The following PRDM7 variants were observed in gnomAD, a reference collection of about 807,000 sequenced individuals.
PRDM7 encodes the protein histone-lysine N-methyltransferase PRDM7.
Under a neutral mutation model 64.3 loss-of-function variants are expected in PRDM7, and 52 were observed. The ratio of observed to expected loss-of-function variants is 0.81; its 90% CI spans 0.65 to 1.02. The LOEUF is 1.02. Among genes scored for constraint, PRDM7 ranks in the 50% least tolerant of loss-of-function variants. The pLI, the probability that PRDM7 is intolerant of heterozygous loss-of-function variation, is 0.00. For missense variants in PRDM7, 574 were observed against 597.1 expected (o/e 0.96, Z 0.40); for synonymous variants, 192 against 210.1 (o/e 0.91, Z 0.74).
chr16:90,061,528 C>CA lies in PRDM7; in HGVS notation c.883-10dup. On this transcript the variant is annotated splice_polypyrimidine_tract_variant and intron_variant, in intron 8 of 10. Transcript: ENST00000449207. The stretch of plus-strand genomic sequence containing the variant: ...TTTCTCCCCTTGGTGATCTGAGTTT[C>CA]AAAAAATAAGGTAAAGACTTTTTAG... 2.5e-6 allele frequency: 4 copies of CA among 1,590,474 alleles called. No individual in the cohort carries two copies. The highest frequency in any genetic ancestry group is 2.2e-5 in the East Asian group (1 of 44,760).
At chr16:90,071,722 A>T (rs2037959534) in intron 4 of PRDM7, among the ~76,000 whole-genome samples, 1 of 152,226 alleles carries the variant, frequency 6.6e-6, no homozygotes, top group Non-Finnish European at 1.5e-5. Flanking sequence ...ACCTCTTAAT[A>T]CTGTTACAAT....
chr16:90,061,306 G>T, intron 9 of PRDM7, 146 bp downstream of exon 9: 1 of 722,570 alleles, frequency 1.4e-6, no homozygotes, highest in Non-Finnish European at 2.2e-6. Flanking sequence ...ATTTCTAAAA[G>T]TTGATGGTAT....
chr16:90,075,507 A>G lies in PRDM7; in HGVS notation c.70-33T>C. ...AAGTAACAGATTCCATCAGTGATTT[A>G]CTAATACACATCGAGCTGGTCCTTT... is the stretch of plus-strand genomic sequence containing the variant. On this transcript the variant is annotated intron_variant, in intron 2 of 10. Transcript: ENST00000449207. This position sits in a 1 kb window ranked among gnomAD's most constrained non-coding sequence, Gnocchi z 4.3. 2 of 1,614,164 alleles carry G rather than the reference A, an allele frequency of 1.2e-6. No homozygotes were observed. Among genetic ancestry groups the G allele is most frequent in the Non-Finnish European group, 1.7e-6 (2 of 1,180,020 alleles).
intron 10 of PRDM7, 111 bp downstream of exon 10, chr16:90,060,230 A>C: frequency 1.3e-6 from 2 of 1,518,614 alleles, no homozygotes; most frequent in Non-Finnish European, 1.8e-6. Flanking sequence ...CTGATGTAAA[A>C]TTTTACTGAC....
intron 6 of PRDM7, 81 bp from the exon 7 acceptor site, chr16:90,062,583 T>G: frequency 2.5e-6 from 3 of 1,206,078 alleles, no homozygotes; most frequent in South Asian, 1.2e-5. Context: ...TGAAATCTCC[T>G]ACCATCAAAT....
chr16:90,064,355 T>A (rs186186795), intron 5 of PRDM7, among the ~76,000 whole-genome samples: 1 of 152,298 alleles, frequency 6.6e-6, no homozygotes, highest in East Asian at 1.9e-4. Flanking sequence ...GGGTGTATTG[T>A]TAGCTAATTT....
chr16:90,068,629 C>T (rs4386139), intron 4 of PRDM7, among the ~76,000 whole-genome samples: 3,456 of 145,194 alleles, frequency 0.024, 92 homozygotes, highest in Non-Finnish European at 0.038. Flanking sequence ...AGCGAGACTC[C>T]GTCTCAAAAA....
intron 4 of PRDM7, among the ~76,000 whole-genome samples, chr16:90,067,610 A>G (rs1269796673): frequency 7.3e-5 from 7 of 95,826 alleles, no homozygotes; most frequent in Admixed American, 2.9e-4. Context: ...TTTTTTTTTG[A>G]GATGGAGTCT....
intron 5 of PRDM7, among the ~76,000 whole-genome samples, chr16:90,065,818 C>G (rs1346857856): frequency 2.0e-5 from 3 of 151,322 alleles, no homozygotes; most frequent in African/African-American, 7.4e-5. Context: ...AAATCTAACT[C>G]AAAGATATTT....
At chr16:90,061,842 A>T (rs1436673008) in intron 8 of PRDM7, 79 bp downstream of exon 8, 5 of 1,590,610 alleles carry the variant, frequency 3.1e-6, no homozygotes, top group Middle Eastern at 1.7e-4. Context: ...ATATCCTAAC[A>T]TGTAGAAGGT....
intron 1 of PRDM7, 103 bp downstream of exon 1, chr16:90,077,123 G>A (rs2038048252): frequency 6.6e-6 from 1 of 152,130 alleles, no homozygotes; most frequent in African/African-American, 2.4e-5. Context: ...CAAGGTGGCA[G>A]GATTTGGGGT....
Position 90,068,329 on chromosome 16 carries a change from T to C in PRDM7, c.302-1419A>G, listed in dbSNP as rs775421995. On this transcript the variant is annotated intron_variant, in intron 4 of 10. Transcript: ENST00000449207. ...AAACTATAAAGATTTTACCAAAAAA[T>C]TGTTAGAAGTAATACACGAATTTGG... 6.1e-4 allele frequency among the ~76,000 whole-genome samples: 91 copies of C among 148,242 alleles called. 1 individual carries two copies. Among genetic ancestry groups the C allele is most frequent in the Middle Eastern group, 3.7e-3 (1 of 272 alleles).
intron 4 of PRDM7, 67 bp from the exon 5 acceptor site, chr16:90,066,977 C>A: frequency 7.2e-7 from 1 of 1,381,392 alleles, no homozygotes; most frequent in Non-Finnish European, 1.0e-6. Context: ...ATTTTTTTTT[C>A]TTTTTGATAT....
chr16:90,064,161 C>T (rs1386970226), intron 5 of PRDM7, among the ~76,000 whole-genome samples: 1 of 152,140 alleles, frequency 6.6e-6, no homozygotes, highest in Non-Finnish European at 1.5e-5. Context: ...CAAAGCACAT[C>T]TGGAAAATGA....
Position 90,067,022 on chromosome 16 carries a change from T to G in PRDM7, c.302-112A>C, listed in dbSNP as rs923564516. The stretch of plus-strand genomic sequence containing the variant: ...CTCTGTCGCCCAGGCTGGAGTGCAG[T>G]GGCACAATCTCCCCTCACTGCAACC... On this transcript the variant is annotated intron_variant, in intron 4 of 10. Transcript: ENST00000449207. The G allele has an allele frequency of 3.9e-5, 33 of 847,778 alleles. 2 individuals carry two copies. In the African/African-American group the frequency reaches 4.4e-4, roughly 11 times the overall value. 52.5% of individuals were successfully genotyped at this position (847,778 alleles called of 1,614,324 possible).
At position 90,075,417 on chromosome 16, in the gene PRDM7, T is replaced by A. The variant is rs1440484243; in HGVS notation, c.127A>T (p.Met43Leu). 6.2e-7 allele frequency: 1 copy of A among 1,614,200 alleles called. No homozygotes were observed. The highest frequency in any genetic ancestry group is 2.2e-5 in the East Asian group (1 of 44,880). The change falls in exon 3 of 11, where the codon ATG becomes TTG. Residue 43 changes from methionine to leucine, a missense_variant. Met to Leu is a conservative substitution (Grantham distance 15). Coordinates refer to ENST00000449207, the MANE Select transcript of PRDM7 (RefSeq NM_001098173.2). The surrounding 1 kb of genome is among the most constrained non-coding windows in gnomAD (Gnocchi z 4.3). ...TAGCGAGTTTTCTCCCAGTCTCCCATTTCTGCCCATTCTTCCTTGGTGAAG... is the reference window on the plus strand; with the variant it reads ...TAGCGAGTTTTCTCCCAGTCTCCCAATTCTGCCCATTCTTCCTTGGTGAAG... ...IYFTKEEWAEMGDWEKTRYRN... is the reference protein window; with the variant it reads ...IYFTKEEWAELGDWEKTRYRN...
intron 4 of PRDM7, among the ~76,000 whole-genome samples, chr16:90,074,530 T>C (rs2038007624): frequency 6.6e-6 from 1 of 151,336 alleles, no homozygotes; most frequent in African/African-American, 2.4e-5. Flanking sequence ...GAGCCGAGAT[T>C]CTACCACTGT....
rs2037752052 is a variant in PRDM7 at position 90,060,402 on chromosome 16, A to G, written c.1172T>C (p.Met391Thr). 2.5e-6 allele frequency: 4 copies of G among 1,613,792 alleles called. No individual in the cohort carries two copies. The highest frequency in any genetic ancestry group is 1.1e-5 in the South Asian group (1 of 91,058). Reference protein sequence around the residue: ...VNCWSGMGMSMARNWASSGAA... With the variant: ...VNCWSGMGMSTARNWASSGAA... ...CCCACTTGATGCCCAGTTCCTGGCC[A>G]TACTCATCCCCATACCAGACCAGCA... The change falls in exon 10 of 11, where the codon ATG becomes ACG. Residue 391 changes from methionine (M) to threonine (T), a missense_variant. Physicochemically the swap from Met to Thr is moderately conservative, Grantham distance 81. Transcript: ENST00000449207.
Position 90,058,037 on chromosome 16 carries a change from C to T in PRDM7, c.*252G>A. 6.2e-7 allele frequency: 1 copy of T among 1,611,588 alleles called. No individual in the cohort carries two copies. The highest frequency in any genetic ancestry group is 8.5e-7 in the Non-Finnish European group (1 of 1,178,228). On this transcript the variant is annotated 3_prime_UTR_variant, in exon 11 of 11. Coordinates refer to ENST00000449207, the MANE Select transcript of PRDM7 (RefSeq NM_001098173.2). ...TCTCTGCAGACGTAGGGCTTCCCCC[C>T]TGTGTGTGTCCTTTGGTGTGTAATA...
Sources: gnomAD v4.1 joint callset for allele counts (sites outside exome capture counted in the v4.1 genomes callset) on GRCh38, gnomAD v4.1.1 for gene constraint, Gnocchi (gnomAD v3.1) non-coding constraint, MANE v1.5 for transcripts, NCBI Gene and HGNC (gene_info 2026-07-23, HGNC 2026-07-21) for gene names.